EPSTI1: variants seen among roughly 807,000 people sequenced by gnomAD.
The protein encoded by EPSTI1 is epithelial stromal interaction 1.
Under a neutral mutation model 49.9 loss-of-function variants are expected in EPSTI1, and 66 were observed. The ratio of observed to expected loss-of-function variants is 1.32; its 90% CI spans 1.08 to 1.62. EPSTI1 has a LOEUF of 1.62. EPSTI1 is among the 40% of genes most tolerant of loss of function. The probability of loss-of-function intolerance (pLI) is 0.00; values close to 1 mark genes in which losing one functional copy is unlikely to be tolerated. For synonymous variants in EPSTI1, 137 were observed against 130.7 expected (o/e 1.05, Z -0.33); for missense variants, 394 against 365.5 (o/e 1.08, Z -0.64).
At chr13:42,937,193 C>T (rs1420985028) in intron 6 of EPSTI1, among the ~76,000 whole-genome samples, 1 of 148,976 alleles carries the variant, frequency 6.7e-6, no homozygotes, top group African/African-American at 2.5e-5. Context: ...GAAAAATGTA[C>T]ACTTTAATTT....
chr13:42,926,047 G>GGAAGGAAGGAAGGAAGGAAGGTAGGAAA lies in EPSTI1; in HGVS notation c.657+288_657+289insTTTCCTACCTTCCTTCCTTCCTTCCTTC, dbSNP rs1566123529. On this transcript the variant is annotated intron_variant, in intron 7 of 10. Coordinates refer to ENST00000313624, the MANE Select transcript of EPSTI1 (RefSeq NM_033255.5). The stretch of plus-strand genomic sequence containing the variant: ...TGGATGGAAGGAAGGAAGGAAGGAA[G>GGAAGGAAGGAAGGAAGGAAGGTAGGAAA]GTAGGAAGGATGGAAGGATGGAAGA... Among the ~76,000 whole-genome samples, 6 of 152,126 alleles carry GGAAGGAAGGAAGGAAGGAAGGTAGGAAA rather than the reference G, an allele frequency of 3.9e-5. No individual in the cohort carries two copies. The South Asian group carries it at 1.2e-3, about 32-fold the overall frequency.
chr13:42,946,196 T>C (rs1297680703), intron 6 of EPSTI1, among the ~76,000 whole-genome samples: 2 of 152,156 alleles, frequency 1.3e-5, no homozygotes, highest in Non-Finnish European at 2.9e-5. Context: ...GAGACTAAAA[T>C]AGATGAAGAT....
chr13:42,940,925 G>A (rs2038731733), intron 6 of EPSTI1, among the ~76,000 whole-genome samples: 1 of 151,994 alleles, frequency 6.6e-6, no homozygotes, highest in African/African-American at 2.4e-5. Flanking sequence ...TTTTTGAGTT[G>A]TTATTTTCTT....
intron 6 of EPSTI1, among the ~76,000 whole-genome samples, chr13:42,927,101 G>A (rs2038208186): frequency 6.6e-6 from 1 of 151,944 alleles, no homozygotes; most frequent in Non-Finnish European, 1.5e-5. Context: ...AAAAAGTGCT[G>A]CTGATTCTAG....
intron 8 of EPSTI1, among the ~76,000 whole-genome samples, chr13:42,911,247 G>A (rs1419345547): frequency 1.7e-5 from 2 of 118,840 alleles, no homozygotes; most frequent in Non-Finnish European, 3.6e-5. Context: ...GAGAGAGAGT[G>A]TGTGTGTGTG....
intron 8 of EPSTI1, among the ~76,000 whole-genome samples, chr13:42,907,887 C>T (rs2037542794): frequency 1.3e-5 from 2 of 152,100 alleles, no homozygotes; most frequent in East Asian, 1.9e-4. Flanking sequence ...ACCAAAACAG[C>T]GTGGTACTGG....
At chr13:42,931,626 T>G (rs1438922978) in intron 6 of EPSTI1, among the ~76,000 whole-genome samples, 1 of 152,254 alleles carries the variant, frequency 6.6e-6, no homozygotes, top group Non-Finnish European at 1.5e-5. Flanking sequence ...TTGGTGTTTA[T>G]GTTTTTTAAC....
intron 6 of EPSTI1, among the ~76,000 whole-genome samples, chr13:42,936,353 T>C (rs57930934): frequency 0.19 from 28,662 of 152,180 alleles, 3,003 homozygotes; most frequent in African/African-American, 0.29. Context: ...TCTATTCCCA[T>C]ATCTCCATTT....
chr13:42,911,887 C>CT (rs1454519110), intron 8 of EPSTI1, among the ~76,000 whole-genome samples: 4 of 151,990 alleles, frequency 2.6e-5, no homozygotes, highest in Admixed American at 1.3e-4. Context: ...TAATTCATTT[C>CT]TTTTTTTAGT....
chr13:42,926,026 T>TGGAAGGAAGGAAGGAAGGAAGGAA lies in EPSTI1; in HGVS notation c.657+309_657+310insTTCCTTCCTTCCTTCCTTCCTTCC, dbSNP rs60372725. ...AAGGAAGGATGGATGGATGCATGGA[T>TGGAAGGAAGGAAGGAAGGAAGGAA]GGAAGGAAGGAAGGAAGGAAGGTAG... On this transcript the variant is annotated intron_variant, in intron 7 of 10. Transcript: ENST00000313624. Among the ~76,000 whole-genome samples, 467 of 142,704 alleles carry TGGAAGGAAGGAAGGAAGGAAGGAA rather than the reference T, an allele frequency of 3.3e-3. 9 individuals carry two copies. In the East Asian group the frequency reaches 0.033, roughly 10 times the overall value. 93.6% of individuals were successfully genotyped at this position (142,704 alleles called of 152,430 possible). A position where few individuals can be genotyped will look rare whatever the true frequency, so the allele number is the denominator to read the frequency against.
intron 8 of EPSTI1, among the ~76,000 whole-genome samples, chr13:42,916,565 T>A (rs934139122): frequency 2.6e-5 from 4 of 152,196 alleles, no homozygotes; most frequent in Admixed American, 6.5e-5. Flanking sequence ...ACAATTGTTG[T>A]AATAAATTAC....
At chr13:42,913,972 G>A (rs531613271) in intron 8 of EPSTI1, among the ~76,000 whole-genome samples, 1 of 152,060 alleles carries the variant, frequency 6.6e-6, no homozygotes, top group Non-Finnish European at 1.5e-5. Flanking sequence ...CTCTCCTGTT[G>A]GCCATGTGAA....
chr13:42,898,417 C>T (rs1001537611), intron 9 of EPSTI1, among the ~76,000 whole-genome samples: 3 of 152,090 alleles, frequency 2.0e-5, no homozygotes, highest in African/African-American at 7.2e-5. Context: ...GCAATACAAA[C>T]GTAAGCTCTT....
chr13:42,929,216 A>T (rs2038283037), intron 6 of EPSTI1, among the ~76,000 whole-genome samples: 1 of 152,214 alleles, frequency 6.6e-6, no homozygotes, highest in Admixed American at 6.5e-5. Context: ...CCACTGTTGG[A>T]TGTAAATAGT....
intron 10 of EPSTI1, chr13:42,889,263 A>G (rs770485045): frequency 2.1e-6 from 3 of 1,420,034 alleles, no homozygotes; most frequent in Non-Finnish European, 1.9e-6. Context: ...AAAAAAATAT[A>G]TTTTTTACAT....
intron 7 of EPSTI1, among the ~76,000 whole-genome samples, chr13:42,925,035 T>C (rs2038128012): frequency 6.6e-6 from 1 of 152,174 alleles, no homozygotes; most frequent in African/African-American, 2.4e-5. Flanking sequence ...TCATCCTTAA[T>C]TACACTTACT....
intron 8 of EPSTI1, among the ~76,000 whole-genome samples, chr13:42,911,244 AGT>A (rs372327588): frequency 0.021 from 3,077 of 147,120 alleles, 70 homozygotes; most frequent in African/African-American, 0.054. Flanking sequence ...AGAGAGAGAG[AGT>A]GTGTGTGTGT....
At chr13:42,889,171 G>A (rs762249608) in intron 10 of EPSTI1, 41 of 1,515,128 alleles carry the variant, frequency 2.7e-5, no homozygotes, top group Non-Finnish European at 3.7e-5. Context: ...TATTGTATCA[G>A]AGGAAATATT....
intron 5 of EPSTI1, among the ~76,000 whole-genome samples, chr13:42,955,750 C>A (rs2039239817): frequency 6.6e-6 from 1 of 151,552 alleles, no homozygotes; most frequent in Admixed American, 6.6e-5. Flanking sequence ...TGCAATGAGT[C>A]AAGATCGTGC....
Sources: gnomAD v4.1 joint callset for allele counts (sites outside exome capture counted in the v4.1 genomes callset) on GRCh38, gnomAD v4.1.1 for gene constraint, MANE v1.5 for transcripts, NCBI Gene and HGNC (gene_info 2026-07-23, HGNC 2026-07-21) for gene names.